Variants in FGFR2 observed in about 807,000 individuals in gnomAD.
FGFR2 encodes BEK fibroblast growth factor receptor.
In FGFR2, 19 loss-of-function variants were observed where a neutral mutation model predicts 95.9. The observed-to-expected ratio is 0.20, with a 90% confidence interval of 0.14 to 0.29. FGFR2 has a LOEUF of 0.29. Ranked by LOEUF, FGFR2 falls within the 10% of genes least tolerant of loss-of-function variation. FGFR2 has a pLI of 1.00. For missense variants in FGFR2, 707 were observed against 1,056.9 expected (o/e 0.67, Z 4.59); for synonymous variants, 392 against 393.3 (o/e 1.00, Z 0.04).
At chr10:121,507,098 C>T (rs1848403589) in intron 9 of FGFR2, among the ~76,000 whole-genome samples, 1 of 152,178 alleles carries the variant, frequency 6.6e-6, no homozygotes. Context: ...CAGCCAATCC[C>T]GTTGCTGCCC....
chr10:121,519,265 T>TAGCTGCCCCTGTCCTCAGTCTCCTGAAG (rs1386395494), intron 7 of FGFR2, among the ~76,000 whole-genome samples: 1 of 152,110 alleles, frequency 6.6e-6, no homozygotes, highest in East Asian at 1.9e-4. Context: ...TGTACAGACT[T>TAGCTGCCCCTGTCCTCAGTCTCCTGAAG]AGCTGCCCCT....
intron 2 of FGFR2, among the ~76,000 whole-genome samples, chr10:121,578,677 AGACAG>A (rs1860331237): frequency 6.6e-6 from 1 of 152,244 alleles, no homozygotes; most frequent in African/African-American, 2.4e-5. Flanking sequence ...TGGGAGGCCA[AGACAG>A]GTGGGTCACT....
At chr10:121,541,496 T>C (rs1366754665) in intron 5 of FGFR2, among the ~76,000 whole-genome samples, 1 of 152,192 alleles carries the variant, frequency 6.6e-6, no homozygotes, top group East Asian at 1.9e-4. Context: ...AGATTCAGAA[T>C]AAACCTAAAG....
chr10:121,504,026 G>A lies in FGFR2; in HGVS notation c.1288-85C>T, dbSNP rs1017551759. 4.6e-6 allele frequency: 7 copies of A among 1,523,440 alleles called. No homozygotes were observed. In the African/African-American group the frequency reaches 5.5e-5, roughly 12 times the overall value. The allele number at this position is 1,523,440 out of a possible 1,614,324, so 94.4% of individuals were successfully genotyped here. ...TCAGCCAGAGCCCAGCCAGAGTATC[G>A]AATCTTAGAAAGGAATGGGTTGGGG... On this transcript the variant is annotated intron_variant, in intron 9 of 17. Coordinates refer to ENST00000358487, the MANE Select transcript of FGFR2 (RefSeq NM_000141.5).
intron 9 of FGFR2, among the ~76,000 whole-genome samples, chr10:121,509,686 C>T (rs1001135081): frequency 2.0e-5 from 3 of 151,660 alleles, no homozygotes; most frequent in East Asian, 3.9e-4. Context: ...TTTCATCACG[C>T]TGGTCAGGCT....
chr10:121,511,513 G>T (rs1327205638), intron 9 of FGFR2, among the ~76,000 whole-genome samples: 3 of 152,096 alleles, frequency 2.0e-5, no homozygotes, highest in African/African-American at 4.8e-5. Flanking sequence ...ACTCACAAAG[G>T]CTGCTTCACA....
At chr10:121,576,319 C>T (rs1266666050) in intron 2 of FGFR2, among the ~76,000 whole-genome samples, 9 of 152,226 alleles carry the variant, frequency 5.9e-5, no homozygotes, top group South Asian at 2.1e-4. Flanking sequence ...CTGCACGCCC[C>T]GGCTTGGATG....
intron 5 of FGFR2, among the ~76,000 whole-genome samples, chr10:121,544,810 G>C (rs772409071): frequency 3.2e-4 from 48 of 152,256 alleles, no homozygotes; most frequent in Admixed American, 9.2e-4. Flanking sequence ...TTAAATGGTA[G>C]ATTTTATGTT....
At chr10:121,577,178 T>TATATATATATATACAGAGAGAGAGAGAG in intron 2 of FGFR2, among the ~76,000 whole-genome samples, 2 of 5,214 alleles carry the variant, frequency 3.8e-4, no homozygotes, top group African/African-American at 1.6e-3. Flanking sequence ...TATATATATA[T>TATATATATATATACAGAGAGAGAGAGAG]AGAGAGAGAG....
At chr10:121,482,286 C>A (rs2133741514) in intron 17 of FGFR2, 1 of 909,036 alleles carries the variant, frequency 1.1e-6, no homozygotes, top group South Asian at 1.5e-5. Context: ...TCTTCCCCCC[C>A]TTGAACCGTT....
At chr10:121,507,777 G>C (rs141256577) in intron 9 of FGFR2, among the ~76,000 whole-genome samples, 170 of 152,264 alleles carry the variant, frequency 1.1e-3, no homozygotes, top group African/African-American at 4.0e-3. Context: ...AGATCTGAGA[G>C]AACAGACAAA....
chr10:121,527,765 C>T (rs748631237), intron 6 of FGFR2: 1 of 152,162 alleles, frequency 6.6e-6, no homozygotes, highest in East Asian at 1.9e-4. Context: ...GGCAGGAGGT[C>T]CCTCCCTAGG....
rs377269009 is a variant in FGFR2 at position 121,538,574 on chromosome 10, G to A, written c.748+18C>T. On this transcript the variant is annotated intron_variant, in intron 6 of 17. Transcript: ENST00000358487. ...ATGGGCTGGTATGCAGCCGCCACAC[G>A]AGGAGAGGCAAACTCACCCACAACA... 2.2e-4 allele frequency: 355 copies of A among 1,614,060 alleles called. No homozygotes were observed. Among genetic ancestry groups the A allele is most frequent in the Non-Finnish European group, 2.7e-4 (323 of 1,180,036 alleles).
In FGFR2 at chr10:121,581,733, C is replaced by T. The variant is rs191380031; in HGVS notation, c.109+11976G>A. Among the ~76,000 whole-genome samples, 12 of 134,572 alleles carry T rather than the reference C, an allele frequency of 8.9e-5. No individual in the cohort carries two copies. The East Asian group carries it at 2.7e-3, about 30-fold the overall frequency. 88.3% of individuals were successfully genotyped at this position (134,572 alleles called of 152,430 possible). A position where few individuals can be genotyped will look rare whatever the true frequency, so the allele number is the denominator to read the frequency against. On this transcript the variant is annotated intron_variant, in intron 2 of 17. Coordinates refer to ENST00000358487, the MANE Select transcript of FGFR2 (RefSeq NM_000141.5). The stretch of plus-strand genomic sequence containing the variant: ...CACCACTGCACTCCAGCCTGGGTGA[C>T]ACAGTGAACAGAGAGAGACCCTGCA...
intron 6 of FGFR2, among the ~76,000 whole-genome samples, chr10:121,521,308 C>T (rs1036049191): frequency 1.2e-4 from 18 of 152,206 alleles, no homozygotes; most frequent in African/African-American, 4.3e-4. Context: ...GCCTCTCTCT[C>T]CTTCGAGAAC....
intron 1 of FGFR2, among the ~76,000 whole-genome samples, chr10:121,594,528 C>A (rs1426775480): frequency 1.3e-5 from 2 of 152,176 alleles, no homozygotes; most frequent in Non-Finnish European, 2.9e-5. Context: ...TCAAAAGAAT[C>A]CCAGGAAGGC....
At chr10:121,541,523 G>A (rs901826322) in intron 5 of FGFR2, among the ~76,000 whole-genome samples, 2 of 152,048 alleles carry the variant, frequency 1.3e-5, no homozygotes, top group African/African-American at 2.4e-5. Flanking sequence ...CTCTTCCGAC[G>A]TAATATATAC....
chr10:121,498,644 C>T (rs2133978882), intron 11 of FGFR2, 39 bp from the exon 12 acceptor site: 1 of 1,551,040 alleles, frequency 6.4e-7, no homozygotes. Flanking sequence ...AGTTCATTTC[C>T]TCTAACTCAT....
chr10:121,490,048 G>A (rs1326078425), intron 13 of FGFR2, among the ~76,000 whole-genome samples: 2 of 151,468 alleles, frequency 1.3e-5, no homozygotes, highest in African/African-American at 4.9e-5. Context: ...CACATACACT[G>A]ATTCTAAACA....
Sources: allele counts gnomAD v4.1 joint callset (sites outside exome capture counted in the v4.1 genomes callset), GRCh38; gene constraint gnomAD v4.1.1; transcripts MANE v1.5; gene names NCBI Gene and HGNC (gene_info 2026-07-23, HGNC 2026-07-21).